Variants in RBFOX1 observed in about 807,000 individuals in gnomAD.
RBFOX1 encodes the protein RNA binding protein fox-1 homolog 1.
In RBFOX1, 8 loss-of-function variants were observed where a neutral mutation model predicts 57.7. The ratio of observed to expected loss-of-function variants is 0.14; its 90% CI spans 0.08 to 0.25. The LOEUF is 0.25. RBFOX1 is among the 10% of genes least tolerant of loss of function. RBFOX1 has a pLI of 1.00. For synonymous variants in RBFOX1, 326 were observed against 222.4 expected (o/e 1.47, Z -4.15); for missense variants, 611 against 548.5 (o/e 1.11, Z -1.14).
At chr16:6,397,526 T>C (rs2092891713) in intron 2 of RBFOX1, among the ~76,000 whole-genome samples, 1 of 152,184 alleles carries the variant, frequency 6.6e-6, no homozygotes, top group Non-Finnish European at 1.5e-5. Context: ...AGTCCTGTAC[T>C]ATAAGAACTG....
At chr16:6,770,526 C>A (rs993244667) in intron 3 of RBFOX1, among the ~76,000 whole-genome samples, 2 of 152,168 alleles carry the variant, frequency 1.3e-5, no homozygotes, top group Non-Finnish European at 2.9e-5. Flanking sequence ...AAAATATTTT[C>A]TTTCTGCCCC....
intron 1 of RBFOX1, among the ~76,000 whole-genome samples, chr16:5,394,645 T>A (rs1015352059): frequency 6.6e-6 from 1 of 150,658 alleles, no homozygotes; most frequent in Non-Finnish European, 1.5e-5. Flanking sequence ...CGCTGCATTC[T>A]CGACCTCCTG....
intron 10 of RBFOX1, among the ~76,000 whole-genome samples, chr16:7,622,631 TG>T (rs1418523865): frequency 8.7e-4 from 131 of 151,246 alleles, no homozygotes; most frequent in African/African-American, 3.0e-3. Context: ...ATTTTTTTTT[TG>T]AATATTATGA....
chr16:5,759,938 G>C (rs191196911), intron 3 of RBFOX1, among the ~76,000 whole-genome samples: 1 of 150,902 alleles, frequency 6.6e-6, no homozygotes, highest in Non-Finnish European at 1.5e-5. Flanking sequence ...CCTTTTGTGC[G>C]TATTTCAACT....
intron 2 of RBFOX1, among the ~76,000 whole-genome samples, chr16:5,520,315 G>C (rs1425058520): frequency 6.6e-6 from 1 of 152,172 alleles, no homozygotes; most frequent in Non-Finnish European, 1.5e-5. Flanking sequence ...ATCTCAGCTT[G>C]AAATGGCTTG....
At chr16:7,035,034 G>T (rs1364192526) in intron 3 of RBFOX1, among the ~76,000 whole-genome samples, 7 of 150,870 alleles carry the variant, frequency 4.6e-5, no homozygotes, top group African/African-American at 1.5e-4. Flanking sequence ...TTTTATTAGA[G>T]ACAGGGTTTT....
chr16:5,508,163 G>T (rs1043488443), intron 2 of RBFOX1, among the ~76,000 whole-genome samples: 8 of 152,174 alleles, frequency 5.3e-5, no homozygotes, highest in African/African-American at 1.9e-4. Flanking sequence ...GTGTGCTGGG[G>T]GTCTGGACGT....
At chr16:7,055,136 A>G (rs1175250253) in intron 4 of RBFOX1, among the ~76,000 whole-genome samples, 7 of 152,170 alleles carry the variant, frequency 4.6e-5, no homozygotes, top group African/African-American at 1.4e-4. Context: ...AAAAAAAGCT[A>G]AACAGTTTTT....
chr16:6,975,155 C>T (rs1435164334), intron 3 of RBFOX1, among the ~76,000 whole-genome samples: 1 of 152,142 alleles, frequency 6.6e-6, no homozygotes, highest in East Asian at 1.9e-4. Context: ...CCTGGACTAG[C>T]TCTGTGGGTT....
At chr16:6,518,797 G>GTCTATCTATCTATCTATCTA (rs58687392) in intron 2 of RBFOX1, among the ~76,000 whole-genome samples, 10 of 103,980 alleles carry the variant, frequency 9.6e-5, no homozygotes, top group South Asian at 3.3e-4. Context: ...CTGTGTGTCT[G>GTCTATCTATCTATCTATCTA]TCTATCTATC....
At chr16:7,652,734 C>CA (rs1337486637) in intron 11 of RBFOX1, among the ~76,000 whole-genome samples, 1 of 152,150 alleles carries the variant, frequency 6.6e-6, no homozygotes, top group Non-Finnish European at 1.5e-5. Context: ...GGGTCGGGGT[C>CA]CCAGACTTAT....
At chr16:7,672,281 C>T (rs879772259) in intron 13 of RBFOX1, among the ~76,000 whole-genome samples, 4 of 152,114 alleles carry the variant, frequency 2.6e-5, no homozygotes, top group Non-Finnish European at 4.4e-5. Context: ...TGGTCTATTA[C>T]CCACATTGAA....
chr16:5,669,043 C>T (rs984617427), intron 3 of RBFOX1, among the ~76,000 whole-genome samples: 2 of 152,184 alleles, frequency 1.3e-5, no homozygotes, highest in Non-Finnish European at 2.9e-5. Flanking sequence ...ACTGTCTGAG[C>T]ACCCACATAA....
chr16:7,284,844 C>G (rs973993391), intron 4 of RBFOX1, among the ~76,000 whole-genome samples: 6 of 152,172 alleles, frequency 3.9e-5, no homozygotes. Context: ...GGCCCCTCAT[C>G]TTTTGGCCAC....
At chr16:5,485,345 C>CA (rs71142624) in intron 2 of RBFOX1, among the ~76,000 whole-genome samples, 21,484 of 51,442 alleles carry the variant, frequency 0.42, 5,244 homozygotes, top group East Asian at 0.58. Context: ...GACTCCGTGT[C>CA]AAAAAAAAAA....
chr16:6,023,291 C>A lies in RBFOX1; in HGVS notation c.-127+3299C>A, dbSNP rs1048029254. ...GCTATATATATATATATATATAGAA[C>A]CTGCTCCTGTAAGGTTTGAGCACAG... On this transcript the variant is annotated intron_variant, in intron 1 of 15. Transcript: ENST00000550418. Among the ~76,000 whole-genome samples, 6 of 148,266 alleles carry A rather than the reference C, an allele frequency of 4.0e-5. No individual in the cohort carries two copies. The East Asian group carries it at 5.9e-4, about 15-fold the overall frequency.
At chr16:7,005,067 C>T (rs1048098576) in intron 3 of RBFOX1, among the ~76,000 whole-genome samples, 2 of 152,272 alleles carry the variant, frequency 1.3e-5, no homozygotes, top group African/African-American at 4.8e-5. Context: ...TTCCTTGAAT[C>T]CAGGAGGCAG....
chr16:7,370,208 C>T (rs1596648258), intron 4 of RBFOX1, among the ~76,000 whole-genome samples: 1 of 152,148 alleles, frequency 6.6e-6, no homozygotes, highest in African/African-American at 2.4e-5. Context: ...TTGCCATTGT[C>T]CCCTGGGGAG....
intron 3 of RBFOX1, among the ~76,000 whole-genome samples, chr16:7,000,999 C>T (rs540063958): frequency 6.6e-6 from 1 of 152,136 alleles, no homozygotes; most frequent in Non-Finnish European, 1.5e-5. Flanking sequence ...TCACTAGCAA[C>T]CATTACCATC....
Sources: gnomAD v4.1 joint callset for allele counts (sites outside exome capture counted in the v4.1 genomes callset) on GRCh38, gnomAD v4.1.1 for gene constraint, MANE v1.5 for transcripts, NCBI Gene and HGNC (gene_info 2026-07-23, HGNC 2026-07-21) for gene names.